The following SCP2 variants were observed in gnomAD, a reference collection of about 807,000 sequenced individuals.
The protein encoded by SCP2 is sterol carrier protein 2.
SCP2 carries 48 observed loss-of-function variants against 71.4 expected under a neutral mutation model. That is an observed-to-expected ratio of 0.67 (90% CI 0.53 to 0.86). The LOEUF is 0.86. Ranked by LOEUF, SCP2 falls within the 40% of genes least tolerant of loss-of-function variation. The probability of loss-of-function intolerance (pLI) is 0.00; values close to 1 mark genes in which losing one functional copy is unlikely to be tolerated. For missense variants in SCP2, 560 were observed against 655.6 expected (o/e 0.85, Z 1.59); for synonymous variants, 220 against 218.1 (o/e 1.01, Z -0.08).
intron 11 of SCP2, among the ~76,000 whole-genome samples, chr1:53,013,690 A>G (rs1306237051): frequency 6.6e-6 from 1 of 152,036 alleles, no homozygotes. Flanking sequence ...AGTGTTTAAG[A>G]TACATGGTCT....
At position 52,988,132 on chromosome 1, in the gene SCP2, T is replaced by C; in HGVS notation, c.1077T>C (p.Ala359=). The change falls in exon 11 of 16, where the codon GCT becomes GCC. Residue 359 remains alanine, a synonymous_variant. Transcript: ENST00000371514. ...GLISKGHPLG[A]TGLAQCAELC... Reference sequence around the variant, plus strand: ...TTTCAAAGGGACACCCACTAGGCGCTACAGGTAATGCTACATACAGATTTC... The same window carrying C: ...TTTCAAAGGGACACCCACTAGGCGCCACAGGTAATGCTACATACAGATTTC... The C allele has an allele frequency of 6.8e-7, 1 of 1,475,670 alleles. No individual in the cohort carries two copies. Among genetic ancestry groups the C allele is most frequent in the Non-Finnish European group, 9.5e-7 (1 of 1,054,474 alleles). 91.4% of individuals were successfully genotyped at this position (1,475,670 alleles called of 1,614,324 possible). A position where few individuals can be genotyped will look rare whatever the true frequency, so the allele number is the denominator to read the frequency against.
intron 2 of SCP2, 86 bp from the exon 3 acceptor site, chr1:52,947,923 A>T: frequency 1.2e-6 from 1 of 868,276 alleles, no homozygotes; most frequent in Non-Finnish European, 2.0e-6. Context: ...GAGGTAGTTT[A>T]CTTTGAGAAA....
intron 13 of SCP2, among the ~76,000 whole-genome samples, chr1:53,037,930 A>ACACACACACG (rs1491412643): frequency 8.4e-6 from 1 of 119,588 alleles, no homozygotes; most frequent in African/African-American, 3.0e-5. Context: ...ACACACACAC[A>ACACACACACG]GATCCAGATC....
Position 52,976,784 on chromosome 1 carries a change from T to C in SCP2, c.674+15T>C, listed in dbSNP as rs996610794. The C allele has an allele frequency of 5.6e-6, 7 of 1,252,310 alleles. No individual in the cohort carries two copies. In the African/African-American group the frequency reaches 1.0e-4, roughly 19 times the overall value. The allele number at this position is 1,252,310 out of a possible 1,614,324, so 77.6% of individuals were successfully genotyped here. ...TTACAATGTTGGTAAGAAAAATATA[T>C]TTTAACATTTAATGAGGGAAGTAAC... On this transcript the variant is annotated intron_variant, in intron 8 of 15. Coordinates refer to ENST00000371514, the MANE Select transcript of SCP2 (RefSeq NM_002979.5).
chr1:52,967,543 C>T (rs953329352), intron 6 of SCP2, among the ~76,000 whole-genome samples: 2 of 152,044 alleles, frequency 1.3e-5, no homozygotes, highest in African/African-American at 4.8e-5. Flanking sequence ...TGCTCTGTTG[C>T]CCAGGCTGGA....
In SCP2 at chr1:52,980,493, T is replaced by C; in HGVS notation, c.923T>C (p.Phe308Ser). 4 of 1,614,048 alleles carry C rather than the reference T, an allele frequency of 2.5e-6. No individual in the cohort carries two copies. The highest frequency in any genetic ancestry group is 1.1e-5 in the South Asian group (1 of 91,076). ...GACGTAATAGAACTTCACGATTGCTTTTCTACCAACGAACTCCTTACTTAT... is the reference window on the plus strand; with the variant it reads ...GACGTAATAGAACTTCACGATTGCTCTTCTACCAACGAACTCCTTACTTAT... The part of the protein sequence containing the change: ...DIDVIELHDC[F>S]STNELLTYEA... Residue 308 changes from phenylalanine to serine, a missense_variant, in exon 10 of 16, where the codon TTT becomes TCT. By Grantham distance (155) the Phe-to-Ser change is radical (BLOSUM62 -2). Coordinates refer to ENST00000371514, the MANE Select transcript of SCP2 (RefSeq NM_002979.5).
chr1:52,927,339 G>A lies in SCP2; in HGVS notation c.-58G>A, dbSNP rs1159556679. 2 of 1,430,092 alleles carry A rather than the reference G, an allele frequency of 1.4e-6. No individual in the cohort carries two copies. The highest frequency in any genetic ancestry group is 2.8e-5 in the African/African-American group (2 of 70,918). The allele number at this position is 1,430,092 out of a possible 1,614,324, so 88.6% of individuals were successfully genotyped here. On this transcript the variant is annotated 5_prime_UTR_variant, in exon 1 of 16. Transcript: ENST00000371514. ...TTCAGGGAGCTCTGGTGCAGTCTCC[G>A]CCTGTCAGTGCCGGCAGTCGTCCGC...
At chr1:52,954,657 A>T in intron 4 of SCP2, 83 bp from the exon 5 acceptor site, 1 of 1,108,358 alleles carries the variant, frequency 9.0e-7, no homozygotes, top group Non-Finnish European at 1.4e-6. Context: ...CACTTGACGT[A>T]CTTATTTGAA....
intron 12 of SCP2, among the ~76,000 whole-genome samples, chr1:53,017,775 A>G (rs1661433793): frequency 6.6e-6 from 1 of 152,242 alleles, no homozygotes; most frequent in Admixed American, 6.5e-5. Flanking sequence ...TAAAGACAAC[A>G]AGAAGCAATA....
chr1:52,960,480 ATG>A (rs71044447), intron 5 of SCP2, among the ~76,000 whole-genome samples: 2,069 of 139,444 alleles, frequency 0.015, 22 homozygotes, highest in African/African-American at 0.025. Flanking sequence ...TACTATGTAT[ATG>A]TGTGTGTGTG....
chr1:53,048,439 T>C (rs961055662), intron 15 of SCP2: 8 of 192,248 alleles, frequency 4.2e-5, no homozygotes, highest in African/African-American at 1.1e-4. Context: ...GACTTGTCTT[T>C]CAAAATTAGC....
chr1:52,935,600 AAAG>A, intron 1 of SCP2, among the ~76,000 whole-genome samples: 1 of 141,656 alleles, frequency 7.1e-6, no homozygotes, highest in South Asian at 2.1e-4. Flanking sequence ...AAAAAAAAAA[AAAG>A]AAAAAAGAAA....
intron 11 of SCP2, among the ~76,000 whole-genome samples, chr1:53,007,842 TG>T (rs1660728365): frequency 1.3e-5 from 2 of 151,954 alleles, no homozygotes; most frequent in South Asian, 4.2e-4. Context: ...ATCCAGGAGC[TG>T]GTTTTTTGAA....
At chr1:53,000,770 A>G (rs1660265724) in intron 11 of SCP2, among the ~76,000 whole-genome samples, 1 of 152,266 alleles carries the variant, frequency 6.6e-6, no homozygotes, top group Middle Eastern at 3.4e-3. Context: ...CAACCTGGGC[A>G]AGATGGTGAA....
At chr1:53,005,091 T>A (rs922196186) in intron 11 of SCP2, among the ~76,000 whole-genome samples, 21 of 152,212 alleles carry the variant, frequency 1.4e-4, no homozygotes, top group African/African-American at 4.8e-4. Context: ...CATCCGCCTT[T>A]GCTGAGGCTT....
At position 52,927,927 on chromosome 1, in the gene SCP2, C is replaced by T. The variant is rs555213908; in HGVS notation, c.69+462C>T. ...TGGCAGATTCCGGCCTCCCTCTGTC[C>T]CTCCAGTGACTGCTTGGGACCCGGA... is the stretch of plus-strand genomic sequence containing the variant. On this transcript the variant is annotated intron_variant, in intron 1 of 15. Transcript: ENST00000371514. Among the ~76,000 whole-genome samples the T allele has an allele frequency of 8.5e-5, 13 of 152,312 alleles. No individual in the cohort carries two copies. The South Asian group carries it at 2.1e-3, about 24-fold the overall frequency.
intron 5 of SCP2, among the ~76,000 whole-genome samples, chr1:52,955,904 G>C (rs955043715): frequency 1.5e-4 from 23 of 150,680 alleles, no homozygotes; most frequent in Admixed American, 1.3e-3. Flanking sequence ...GTTATGTTTA[G>C]AGAAATAAAA....
rs78381436 is a variant in SCP2 at position 52,941,916 on chromosome 1, A to G, written c.127+63A>G. On this transcript the variant is annotated intron_variant, in intron 2 of 15. Coordinates refer to ENST00000371514, the MANE Select transcript of SCP2 (RefSeq NM_002979.5). ...TTATTATGTGGTCTGTCTTGATTTC[A>G]TGGATGGGGCAGCCTTGCAAGCACA... 1.4e-3 allele frequency: 1,687 copies of G among 1,228,576 alleles called. 20 individuals carry two copies. The African/African-American group carries it at 0.023, about 16-fold the overall frequency. 76.1% of individuals were successfully genotyped at this position (1,228,576 alleles called of 1,614,324 possible). A position where few individuals can be genotyped will look rare whatever the true frequency, so the allele number is the denominator to read the frequency against.
At chr1:52,998,271 T>C (rs1660068869) in intron 11 of SCP2, among the ~76,000 whole-genome samples, 1 of 152,168 alleles carries the variant, frequency 6.6e-6, no homozygotes, top group African/African-American at 2.4e-5. Context: ...TGGAGCAAAA[T>C]TTCTGGGTCA....
Sources: gnomAD v4.1 joint callset for allele counts (sites outside exome capture counted in the v4.1 genomes callset) on GRCh38, gnomAD v4.1.1 for gene constraint, MANE v1.5 for transcripts, NCBI Gene and HGNC (gene_info 2026-07-23, HGNC 2026-07-21) for gene names.